The following FILIP1 variants were observed in gnomAD, a reference collection of about 807,000 sequenced individuals.
The protein encoded by FILIP1 is filamin A interacting protein 1, also known as filamin-A-interacting protein 1.
A neutral mutation model predicts 102.1 loss-of-function variants in FILIP1; 61 were observed. The ratio of observed to expected loss-of-function variants is 0.60; its 90% CI spans 0.49 to 0.74. FILIP1 has a LOEUF of 0.74. Among genes scored for constraint, FILIP1 ranks in the 30% least tolerant of loss-of-function variants. The pLI is 0.00. For missense variants in FILIP1, 1,314 were observed against 1,441.2 expected (o/e 0.91, Z 1.43); for synonymous variants, 491 against 526.9 (o/e 0.93, Z 0.93).
intron 4 of FILIP1, among the ~76,000 whole-genome samples, chr6:75,323,709 G>A (rs1773737281): frequency 6.6e-6 from 1 of 152,096 alleles, no homozygotes; most frequent in Non-Finnish European, 1.5e-5. Context: ...AAGAAATAAG[G>A]GGCATGCAAA....
At chr6:75,377,304 A>ACTTT (rs1775779676) in intron 2 of FILIP1, among the ~76,000 whole-genome samples, 2 of 152,226 alleles carry the variant, frequency 1.3e-5, no homozygotes, top group Non-Finnish European at 2.9e-5. Context: ...TTCATGGGCA[A>ACTTT]TATTTGGCCT....
rs1264154806 is a variant in FILIP1, at chr6:75,403,205, A to C, written c.276+11492T>G. Among the ~76,000 whole-genome samples the C allele has an allele frequency of 2.0e-5, 3 of 152,264 alleles. No individual in the cohort carries two copies. In the East Asian group the frequency reaches 5.8e-4, roughly 29 times the overall value. On this transcript the variant is annotated intron_variant, in intron 2 of 5. Transcript: ENST00000237172. ...TGCTTCACAGAGGAAGTGAGCCTTC[A>C]GTGGCCCCTAAAGAAATATTGAATA...
At chr6:75,442,118 G>A (rs1409341072) in intron 1 of FILIP1, among the ~76,000 whole-genome samples, 1 of 152,070 alleles carries the variant, frequency 6.6e-6, no homozygotes, top group African/African-American at 2.4e-5. Context: ...CCCAGATGGG[G>A]CGGCGGAGCA....
chr6:75,325,518 A>G (rs544139583), intron 4 of FILIP1, among the ~76,000 whole-genome samples: 2 of 152,378 alleles, frequency 1.3e-5, no homozygotes, highest in South Asian at 4.1e-4. Flanking sequence ...AATATCCAGA[A>G]TTTATAAGGA....
chr6:75,365,832 C>A lies in FILIP1; in HGVS notation c.277-2915G>T, dbSNP rs77279996. 7.2e-3 allele frequency among the ~76,000 whole-genome samples: 1,091 copies of A among 152,168 alleles called. 37 individuals carry two copies. In the East Asian group the frequency reaches 0.11, roughly 15 times the overall value. On this transcript the variant is annotated intron_variant, in intron 2 of 5. Coordinates refer to ENST00000237172, the MANE Select transcript of FILIP1 (RefSeq NM_015687.5). Reference sequence around the variant, plus strand: ...AAGAAATACTTCATCATTCCTTATTCCCCAGAAATAAAACAAAGGCAAATA... The same window carrying A: ...AAGAAATACTTCATCATTCCTTATTACCCAGAAATAAAACAAAGGCAAATA...
chr6:75,350,214 A>G (rs1774743130), intron 4 of FILIP1, among the ~76,000 whole-genome samples: 1 of 152,178 alleles, frequency 6.6e-6, no homozygotes. Context: ...GAAAAACAAA[A>G]AAGATTTAAG....
At chr6:75,438,507 A>T (rs1778098662) in intron 1 of FILIP1, among the ~76,000 whole-genome samples, 1 of 152,240 alleles carries the variant, frequency 6.6e-6, no homozygotes, top group African/African-American at 2.4e-5. Flanking sequence ...CATGTCTTTA[A>T]TCCCACAAGA....
chr6:75,436,810 G>T (rs1778040934), intron 1 of FILIP1, among the ~76,000 whole-genome samples: 1 of 152,130 alleles, frequency 6.6e-6, no homozygotes. Flanking sequence ...GTGCTGGTAA[G>T]CCAGCTCTCC....
intron 2 of FILIP1, among the ~76,000 whole-genome samples, chr6:75,410,841 T>C (rs953538837): frequency 3.3e-5 from 5 of 152,346 alleles, no homozygotes; most frequent in African/African-American, 1.2e-4. Context: ...TTTTTGTTGG[T>C]TCCATTTTTT....
chr6:75,321,298 G>C (rs1447307456), intron 4 of FILIP1, among the ~76,000 whole-genome samples: 1 of 152,090 alleles, frequency 6.6e-6, no homozygotes, highest in Admixed American at 6.5e-5. Flanking sequence ...ATCTAATGTG[G>C]AGCAGTACAC....
intron 1 of FILIP1, among the ~76,000 whole-genome samples, chr6:75,432,342 T>C (rs574426285): frequency 1.3e-5 from 2 of 152,232 alleles, no homozygotes. Flanking sequence ...ATTGTTTCAT[T>C]GTTACTGAGT....
chr6:75,420,321 A>G (rs188476315), intron 1 of FILIP1, among the ~76,000 whole-genome samples: 2,044 of 152,156 alleles, frequency 0.013, 37 homozygotes, highest in African/African-American at 0.046. Flanking sequence ...ACAAGAGAAT[A>G]GATCAGGGAA....
intron 1 of FILIP1, among the ~76,000 whole-genome samples, chr6:75,474,106 T>G (rs1779408353): frequency 6.6e-6 from 1 of 152,196 alleles, no homozygotes; most frequent in Non-Finnish European, 1.5e-5. Flanking sequence ...CACATTTATA[T>G]CTCCAAATGG....
downstream of FILIP1, chr6:75,308,063 C>A (rs1352519109): frequency 4.4e-5 from 43 of 985,862 alleles, no homozygotes; most frequent in Non-Finnish European, 5.1e-5. Flanking sequence ...CAGACACACA[C>A]AAATAAGTAA....
At chr6:75,372,257 C>T (rs1294486474) in intron 2 of FILIP1, among the ~76,000 whole-genome samples, 2 of 151,410 alleles carry the variant, frequency 1.3e-5, no homozygotes, top group Non-Finnish European at 2.9e-5. Flanking sequence ...ATCCCAGCTA[C>T]TCGAGAGGCT....
intron 1 of FILIP1, among the ~76,000 whole-genome samples, chr6:75,434,645 T>C: frequency 6.6e-6 from 1 of 152,254 alleles, no homozygotes; most frequent in Non-Finnish European, 1.5e-5. Context: ...AGGGACAATC[T>C]GACTTCCTCT....
At position 75,315,063 on chromosome 6, in the gene FILIP1, G is replaced by C; in HGVS notation, c.769C>G (p.His257Asp). Residue 257 changes from histidine (H) to aspartate (D), a missense_variant, in exon 5 of 6, where the codon CAC becomes GAC. This residue lies in a region of FILIP1 where 494 missense variants were observed against 511.2 expected (regional missense o/e 0.97). Coordinates refer to ENST00000237172, the MANE Select transcript of FILIP1 (RefSeq NM_015687.5). Reference sequence around the variant, plus strand: ...CTTTGCAGGCCAAGTTGTTCAATGTGCATTTGTCTTTCATCCACCAGCATG... The same window carrying C: ...CTTTGCAGGCCAAGTTGTTCAATGTCCATTTGTCTTTCATCCACCAGCATG... ...ALMLVDERQM[H>D]IEQLGLQSQK... The C allele has an allele frequency of 6.2e-7, 1 of 1,614,096 alleles. No homozygotes were observed. The highest frequency in any genetic ancestry group is 8.5e-7 in the Non-Finnish European group (1 of 1,180,002).
intron 2 of FILIP1, among the ~76,000 whole-genome samples, chr6:75,379,221 A>G (rs1229244190): frequency 4.6e-5 from 7 of 152,238 alleles, no homozygotes; most frequent in Non-Finnish European, 1.5e-5. Context: ...AGCCATGACT[A>G]GAACCCAAGT....
At chr6:75,311,103 A>G (rs1440138599) in intron 5 of FILIP1, among the ~76,000 whole-genome samples, 1 of 152,232 alleles carries the variant, frequency 6.6e-6, no homozygotes, top group African/African-American at 2.4e-5. Flanking sequence ...AAGCTCTTCT[A>G]TAATTACATT....
Sources: gnomAD v4.1 joint callset for allele counts (sites outside exome capture counted in the v4.1 genomes callset) on GRCh38, gnomAD v4.1.1 for gene constraint, gnomAD v4.1.1 regional missense constraint, MANE v1.5 for transcripts, NCBI Gene and HGNC (gene_info 2026-07-23, HGNC 2026-07-21) for gene names.